Variants in RC3H1 observed in about 807,000 individuals in gnomAD.
RC3H1 encodes roquin-1.
Under a neutral mutation model 138.2 loss-of-function variants are expected in RC3H1, and 50 were observed. The observed-to-expected ratio is 0.36, with a 90% CI of 0.29 to 0.46. RC3H1 has a LOEUF of 0.46. Among genes scored for constraint, RC3H1 ranks in the 20% least tolerant of loss-of-function variants. The pLI is 1.00. For missense variants in RC3H1, 1,031 were observed against 1,388.1 expected (o/e 0.74, Z 4.09); for synonymous variants, 462 against 489.1 (o/e 0.94, Z 0.73).
At chr1:174,003,811 G>A (rs1249495788) in intron 1 of RC3H1, among the ~76,000 whole-genome samples, 4 of 151,454 alleles carry the variant, frequency 2.6e-5, no homozygotes, top group Non-Finnish European at 5.9e-5. Context: ...ACAGGCGCCC[G>A]CCACCACGCC....
At chr1:173,993,475 C>G (rs945096316) in intron 1 of RC3H1, among the ~76,000 whole-genome samples, 13 of 150,992 alleles carry the variant, frequency 8.6e-5, no homozygotes, top group Admixed American at 2.0e-4. Context: ...AATGGTGCAA[C>G]CTCCGTCTCC....
chr1:174,017,783 C>CAAAAAAAAAAAA lies in RC3H1; in HGVS notation c.-151+4301_-151+4312dup, dbSNP rs61239660. 3.8e-3 allele frequency among the ~76,000 whole-genome samples: 272 copies of CAAAAAAAAAAAA among 72,006 alleles called. 21 individuals carry two copies. Among genetic ancestry groups the CAAAAAAAAAAAA allele is most frequent in the Middle Eastern group, 7.5e-3 (1 of 134 alleles). 47.2% of individuals were successfully genotyped at this position (72,006 alleles called of 152,430 possible). On this transcript the variant is annotated intron_variant, in intron 1 of 19. Transcript: ENST00000367696. ...ACCCCTTTAGAACTCTTTTCTTGCT[C>CAAAAAAAAAAAA]AAAAAAAAAAAAAAAAAAAAAAAAA... is the stretch of plus-strand genomic sequence containing the variant.
At chr1:173,986,073 G>A (rs1486313005) in intron 2 of RC3H1, among the ~76,000 whole-genome samples, 1 of 152,100 alleles carries the variant, frequency 6.6e-6, no homozygotes, top group African/African-American at 2.4e-5. Context: ...CCAGGCTGGA[G>A]TGCAGTGGCA....
intron 19 of RC3H1, 151 bp from the exon 20 acceptor site, chr1:173,939,022 T>C (rs540576491): frequency 7.0e-6 from 4 of 569,360 alleles, no homozygotes; most frequent in Admixed American, 3.7e-5. Flanking sequence ...TAGCACACAG[T>C]TGGCAAACTA....
At chr1:173,998,458 A>C (rs774714568) in intron 1 of RC3H1, among the ~76,000 whole-genome samples, 1 of 152,200 alleles carries the variant, frequency 6.6e-6, no homozygotes, top group Non-Finnish European at 1.5e-5. Flanking sequence ...ATGATAATTA[A>C]ATAGCAATCA....
intron 1 of RC3H1, among the ~76,000 whole-genome samples, chr1:174,003,509 T>C (rs988293340): frequency 1.7e-4 from 26 of 152,046 alleles, no homozygotes; most frequent in Admixed American, 1.7e-3. Flanking sequence ...TTCTTTAATG[T>C]TTCTTAAAAC....
intron 18 of RC3H1, 24 bp downstream of exon 18, chr1:173,943,418 C>G (rs768331214): frequency 1.3e-6 from 2 of 1,586,970 alleles, no homozygotes; most frequent in Admixed American, 3.5e-5. Flanking sequence ...CACCTTCCCT[C>G]TCTTTCCCCA....
At position 173,958,461 on chromosome 1, in the gene RC3H1, G is replaced by A. The variant is rs1288322870; in HGVS notation, c.2370+2616C>T. On this transcript the variant is annotated intron_variant, in intron 13 of 19. Transcript: ENST00000367696. ...TGGGGGAGGCTGAGGCAGGAGAATC[G>A]CTTGAACCCAGAAGGCAGAGGTTGC... Among the ~76,000 whole-genome samples the A allele has an allele frequency of 2.0e-5, 3 of 151,746 alleles. No homozygotes were observed. The South Asian group carries it at 6.2e-4, about 32-fold the overall frequency.
chr1:173,950,647 A>G (rs1228308616), intron 14 of RC3H1, among the ~76,000 whole-genome samples: 1 of 152,100 alleles, frequency 6.6e-6, no homozygotes, highest in African/African-American at 2.4e-5. Context: ...CTTAGAGGGA[A>G]TGAAACAGGG....
At chr1:174,001,278 A>T (rs1186072218) in intron 1 of RC3H1, among the ~76,000 whole-genome samples, 2 of 152,214 alleles carry the variant, frequency 1.3e-5, no homozygotes, top group Non-Finnish European at 2.9e-5. Context: ...AGTTTGAAAC[A>T]GAGTGCCTGA....
At chr1:174,016,238 T>C (rs1661860833) in intron 1 of RC3H1, 1 of 152,094 alleles carries the variant, frequency 6.6e-6, no homozygotes, top group African/African-American at 2.4e-5. Flanking sequence ...ATGTATTAAT[T>C]GAGTACATTA....
chr1:173,998,868 G>A (rs1661510026), intron 1 of RC3H1, among the ~76,000 whole-genome samples: 1 of 152,126 alleles, frequency 6.6e-6, no homozygotes. Flanking sequence ...TGAGGTGGGA[G>A]GATCACTTGA....
rs143493153 is a variant in RC3H1 at position 173,937,654 on chromosome 1, C to G, written c.*1067G>C. On this transcript the variant is annotated 3_prime_UTR_variant, in exon 20 of 20. Coordinates refer to ENST00000367696, the MANE Select transcript of RC3H1 (RefSeq NM_172071.4). ...CTAATGATTCTGAGCAACAAGTGAT[C>G]AATTCATAAACTATCCTTAAGACTC... 1 of 152,108 alleles carries G rather than the reference C, an allele frequency of 6.6e-6. No homozygotes were observed. Among genetic ancestry groups the G allele is most frequent in the Non-Finnish European group, 1.5e-5 (1 of 68,018 alleles). 9.4% of individuals were successfully genotyped at this position (152,108 alleles called of 1,614,324 possible). A position where few individuals can be genotyped will look rare whatever the true frequency, so the allele number is the denominator to read the frequency against.
chr1:173,970,518 C>G lies in RC3H1; in HGVS notation c.1321G>C (p.Glu441Gln). 1 of 1,611,892 alleles carries G rather than the reference C, an allele frequency of 6.2e-7. No individual in the cohort carries two copies. Among genetic ancestry groups the G allele is most frequent in the Non-Finnish European group, 8.5e-7 (1 of 1,178,076 alleles). Reference protein sequence around the residue: ...GASCTFAHSQEELEKFRKMNK... With the variant: ...GASCTFAHSQQELEKFRKMNK... ...TTTCACACTTACTTTTCCAGTTCCT[C>G]CTGTGAGTGTGCAAATGTACAGCTG... The change falls in exon 9 of 20, where the codon GAG becomes CAG. Residue 441 changes from glutamate to glutamine, a missense_variant. By Grantham distance (29) the Glu-to-Gln change is conservative. Transcript: ENST00000367696.
intron 1 of RC3H1, chr1:174,015,992 G>A (rs1457588501): frequency 6.6e-6 from 1 of 152,058 alleles, no homozygotes; most frequent in Non-Finnish European, 1.5e-5. Context: ...CCTGAGATCA[G>A]GAGTTCAAGA....
At chr1:174,002,637 C>T (rs1661582783) in intron 1 of RC3H1, among the ~76,000 whole-genome samples, 1 of 152,188 alleles carries the variant, frequency 6.6e-6, no homozygotes, top group Non-Finnish European at 1.5e-5. Context: ...TTAACAAGCA[C>T]ATTAAGAACC....
At chr1:173,964,453 C>T (rs1012241949) in intron 10 of RC3H1, among the ~76,000 whole-genome samples, 1 of 152,054 alleles carries the variant, frequency 6.6e-6, no homozygotes, top group Non-Finnish European at 1.5e-5. Context: ...CTGCAACCTC[C>T]GCCTCCTGGG....
rs1236869699 is a variant in RC3H1 at position 173,992,759 on chromosome 1, G to A, written c.227C>T (p.Ala76Val). 3 of 1,611,994 alleles carry A rather than the reference G, an allele frequency of 1.9e-6. No homozygotes were observed. Among genetic ancestry groups the A allele is most frequent in the East Asian group, 2.2e-5 (1 of 44,836 alleles). ...GTATTAAGTCACCCATCCTACCTGA[G>A]CACCCACGAGCTGCAGCAATGCTGA... ...VNSALLQLVG[A>V]QVPEQQPITL... The change falls in exon 2 of 20, where the codon GCT becomes GTT. Residue 76 changes from alanine (A) to valine (V), a missense_variant. Around this residue, in one of 7 missense-constraint regions of RC3H1, gnomAD observed 80 missense variants for 81.1 expected, o/e 0.99. Coordinates refer to ENST00000367696, the MANE Select transcript of RC3H1 (RefSeq NM_172071.4).
intron 7 of RC3H1, among the ~76,000 whole-genome samples, chr1:173,974,811 CG>C (rs1165786230): frequency 2.6e-5 from 4 of 152,072 alleles, no homozygotes; most frequent in Non-Finnish European, 5.9e-5. Context: ...AGGGTCGCTC[CG>C]GCTCTTTTGT....
Sources: allele counts gnomAD v4.1 joint callset (sites outside exome capture counted in the v4.1 genomes callset), GRCh38; gene constraint gnomAD v4.1.1; regional missense constraint gnomAD v4.1.1; transcripts MANE v1.5; gene names NCBI Gene and HGNC (gene_info 2026-07-23, HGNC 2026-07-21).